The following PRSS55 variants were observed in gnomAD, a reference collection of about 807,000 sequenced individuals.
PRSS55 encodes the protein probable serine protease UNQ9391/PRO34284.
PRSS55 carries 41 observed loss-of-function variants against 23.6 expected under a neutral mutation model. The ratio of observed to expected loss-of-function variants is 1.74; its 90% CI spans 1.35 to 2.26. The LOEUF is 2.26. Ranked by LOEUF, PRSS55 falls within the 30% of genes most tolerant of loss-of-function variation. PRSS55 has a pLI of 0.00. For missense variants in PRSS55, 669 were observed against 439.1 expected, an observed-to-expected ratio of 1.52 and a Z score of -4.68; for synonymous variants, 262 against 175.5, an observed-to-expected ratio of 1.49 and a Z score of -3.90.
At chr8:10,545,022 C>T in intron 4 of PRSS55, 1 of 985,168 alleles carries the variant, frequency 1.0e-6, no homozygotes, top group Non-Finnish European at 1.2e-6. Context: ...ACAAACAGGA[C>T]ATGGTGGCCT....
chr8:10,537,920 G>A (rs1812512576), intron 4 of PRSS55, among the ~76,000 whole-genome samples: 1 of 152,146 alleles, frequency 6.6e-6, no homozygotes, highest in Non-Finnish European at 1.5e-5. Context: ...ACTTGGTTCA[G>A]AAGCTCAACA....
intron 4 of PRSS55, chr8:10,544,839 C>A: frequency 4.9e-6 from 1 of 203,458 alleles, no homozygotes; most frequent in Non-Finnish European, 8.7e-6. Flanking sequence ...CCTATATTTA[C>A]ATCTACATAT....
At position 10,529,780 on chromosome 8, in the gene PRSS55, C is replaced by T. The variant is rs879470369; in HGVS notation, c.347+81C>T. ...CCTCCCCCTCACCCACACCTGGTGGCTGAGAGGAACCTGCGACTGCTCGGT... is the reference window on the plus strand; with the variant it reads ...CCTCCCCCTCACCCACACCTGGTGGTTGAGAGGAACCTGCGACTGCTCGGT... On this transcript the variant is annotated intron_variant, in intron 2 of 4. Transcript: ENST00000328655. The T allele has an allele frequency of 2.2e-6, 3 of 1,365,974 alleles. No individual in the cohort carries two copies. The Admixed American group carries it at 5.6e-5, about 26-fold the overall frequency. The allele number at this position is 1,365,974 out of a possible 1,614,324, so 84.6% of individuals were successfully genotyped here.
At chr8:10,549,209 G>T (rs777357637) in intron 4 of PRSS55, among the ~76,000 whole-genome samples, 1 of 152,190 alleles carries the variant, frequency 6.6e-6, no homozygotes, top group Non-Finnish European at 1.5e-5. Context: ...GATGGAGCTG[G>T]GTCCTGTCCT....
chr8:10,527,054 A>G (rs1016683470), intron 1 of PRSS55, among the ~76,000 whole-genome samples: 18 of 152,332 alleles, frequency 1.2e-4, no homozygotes, highest in Admixed American at 1.0e-3. Flanking sequence ...CACACTCGGC[A>G]TGTTCATGTA....
At chr8:10,529,982 T>G (rs1409721273) in intron 2 of PRSS55, among the ~76,000 whole-genome samples, 3 of 152,200 alleles carry the variant, frequency 2.0e-5, no homozygotes, top group African/African-American at 7.2e-5. Context: ...GCCAAGCGGC[T>G]TGGTCCAAAT....
chr8:10,549,732 G>A (rs1454283245), intron 4 of PRSS55, among the ~76,000 whole-genome samples: 2 of 152,168 alleles, frequency 1.3e-5, no homozygotes, highest in African/African-American at 2.4e-5. Context: ...TGACTTTGGA[G>A]AAAGACGGAG....
chr8:10,538,242 C>A (rs1166587065), intron 4 of PRSS55, among the ~76,000 whole-genome samples: 1 of 152,180 alleles, frequency 6.6e-6, no homozygotes, highest in Non-Finnish European at 1.5e-5. Context: ...CTTCCCCCTT[C>A]CTTCCCCATC....
intron 1 of PRSS55, among the ~76,000 whole-genome samples, chr8:10,528,580 C>G (rs535253589): frequency 6.6e-6 from 1 of 152,236 alleles, no homozygotes; most frequent in Non-Finnish European, 1.5e-5. Context: ...TGCTCTCAGT[C>G]CCCTAAGTAA....
intron 1 of PRSS55, among the ~76,000 whole-genome samples, chr8:10,528,911 G>T (rs537727885): frequency 2.0e-5 from 3 of 152,062 alleles, no homozygotes; most frequent in South Asian, 2.1e-4. Flanking sequence ...GCTATGTTGC[G>T]TCTCTTTGCC....
At chr8:10,547,846 G>A (rs1276711164) in intron 4 of PRSS55, among the ~76,000 whole-genome samples, 3 of 151,874 alleles carry the variant, frequency 2.0e-5, no homozygotes, top group African/African-American at 4.8e-5. Context: ...CAGTCACGGG[G>A]AAGAGCAGGG....
intron 2 of PRSS55, 117 bp downstream of exon 2, chr8:10,529,816 C>A: frequency 1.9e-6 from 2 of 1,027,552 alleles, no homozygotes; most frequent in Non-Finnish European, 2.9e-6. Context: ...ATCCAGTCGG[C>A]ATGAATGGCT....
intron 4 of PRSS55, among the ~76,000 whole-genome samples, chr8:10,553,712 C>T (rs1813000286): frequency 6.6e-6 from 1 of 152,130 alleles, no homozygotes; most frequent in African/African-American, 2.4e-5. Flanking sequence ...ATCTATTGCA[C>T]AGCATGGTTA....
intron 4 of PRSS55, among the ~76,000 whole-genome samples, chr8:10,534,440 C>A (rs929234483): frequency 6.6e-6 from 1 of 152,322 alleles, no homozygotes; most frequent in African/African-American, 2.4e-5. Context: ...TGGAATGAGA[C>A]ATCATCTCTC....
intron 4 of PRSS55, chr8:10,553,906 AT>A (rs1406219312): frequency 2.9e-6 from 4 of 1,385,944 alleles, no homozygotes; most frequent in Non-Finnish European, 3.9e-6. Context: ...AATACATAAA[AT>A]TTTTTTAATT....
At chr8:10,548,592 C>A (rs1812877182) in intron 4 of PRSS55, among the ~76,000 whole-genome samples, 1 of 151,936 alleles carries the variant, frequency 6.6e-6, no homozygotes, top group South Asian at 2.1e-4. Context: ...CACGGTGAGC[C>A]AGGAATCTGG....
At chr8:10,547,854 G>C (rs916448028) in intron 4 of PRSS55, among the ~76,000 whole-genome samples, 3 of 151,936 alleles carry the variant, frequency 2.0e-5, no homozygotes, top group East Asian at 1.9e-4. Context: ...GGGAAGAGCA[G>C]GGAACAACAT....
chr8:10,530,964 G>A (rs148445869), intron 2 of PRSS55, among the ~76,000 whole-genome samples: 10 of 152,220 alleles, frequency 6.6e-5, no homozygotes, highest in East Asian at 3.9e-4. Flanking sequence ...AGTTTGATCC[G>A]TGCCAAGTGG....
chr8:10,531,568 C>G, intron 3 of PRSS55, 23 bp downstream of exon 3: 1 of 1,610,336 alleles, frequency 6.2e-7, no homozygotes, highest in Admixed American at 1.7e-5. Flanking sequence ...TCAGCTTCCC[C>G]TGGGGAAAAA....
Sources: gnomAD v4.1 joint callset for allele counts (sites outside exome capture counted in the v4.1 genomes callset) on GRCh38, gnomAD v4.1.1 for gene constraint, MANE v1.5 for transcripts, NCBI Gene and HGNC (gene_info 2026-07-23, HGNC 2026-07-21) for gene names.